The following OGA variants were observed in gnomAD, a reference collection of about 807,000 sequenced individuals.
OGA encodes the protein protein O-GlcNAcase.
Under a neutral mutation model 102.0 loss-of-function variants are expected in OGA, and 21 were observed. The ratio of observed to expected loss-of-function variants is 0.21; its 90% confidence interval spans 0.15 to 0.30. The LOEUF is 0.30. Among genes scored for constraint, OGA ranks in the 10% least tolerant of loss-of-function variants. The probability of loss-of-function intolerance (pLI) is 1.00; values close to 1 mark genes in which losing one functional copy is unlikely to be tolerated. For synonymous variants in OGA, 408 were observed against 378.2 expected (o/e 1.08, Z -0.91); for missense variants, 765 against 1,107.8 (o/e 0.69, Z 4.39).
chr10:101,786,872 A>G lies in OGA; in HGVS notation c.2615-285T>C, dbSNP rs570036851. 1.7e-4 allele frequency among the ~76,000 whole-genome samples: 26 copies of G among 152,284 alleles called. No homozygotes were observed. The South Asian group carries it at 5.4e-3, about 32-fold the overall frequency. On this transcript the variant is annotated intron_variant, in intron 15 of 15. Transcript: ENST00000361464. ...AACCTCCGCCTCCCGGCTTCAAGCA[A>G]GTCTCCTGCCTCAGCCTCCCGAGTA...
intron 10 of OGA, 82 bp from the exon 11 acceptor site, chr10:101,794,080 A>G (rs1219164545): frequency 1.1e-6 from 1 of 918,654 alleles, no homozygotes; most frequent in Non-Finnish European, 1.8e-6. Context: ...ACTGACAAAC[A>G]CTTCGTGGAA....
At chr10:101,790,018 C>T (rs930011250) in intron 14 of OGA, among the ~76,000 whole-genome samples, 5 of 152,060 alleles carry the variant, frequency 3.3e-5, no homozygotes, top group African/African-American at 1.2e-4. Context: ...AAAATAATCA[C>T]GTAATGTGTT....
chr10:101,800,429 A>C (rs2305194), intron 7 of OGA, 29 bp from the exon 8 acceptor site: 308,376 of 1,580,108 alleles, frequency 0.2, 34,354 homozygotes, highest in East Asian at 0.56. Flanking sequence ...AAAAGCACAA[A>C]AATAGTTTTG....
At chr10:101,793,078 C>A in intron 11 of OGA, 135 bp from the exon 12 acceptor site, 1 of 602,972 alleles carries the variant, frequency 1.7e-6, no homozygotes, top group Non-Finnish European at 2.9e-6. Flanking sequence ...GTGTACTATG[C>A]TTTACTAATA....
rs537689585 is a variant in OGA at position 101,804,204 on chromosome 10, A to T, written c.752-185T>A. On this transcript the variant is annotated intron_variant, in intron 6 of 15. Coordinates refer to ENST00000361464, the MANE Select transcript of OGA (RefSeq NM_012215.5). ...TTATTTTAAATTAAAAAATATATTT[A>T]AAAAAAAGAATCATGGTTCTTTAAA... Among the ~76,000 whole-genome samples the T allele has an allele frequency of 2.0e-4, 30 of 151,620 alleles. No individual in the cohort carries two copies. The South Asian group carries it at 5.0e-3, about 25-fold the overall frequency.
chr10:101,799,954 C>A (rs1451234241), intron 8 of OGA, among the ~76,000 whole-genome samples: 2 of 152,166 alleles, frequency 1.3e-5, no homozygotes, highest in African/African-American at 4.8e-5. Context: ...CTCACTGCAA[C>A]CTCTGCCTCC....
At position 101,788,650 on chromosome 10, in the gene OGA, A is replaced by G. The variant is rs144977754; in HGVS notation, c.2455-1127T>C. Among the ~76,000 whole-genome samples, 1,406 of 151,024 alleles carry G rather than the reference A, an allele frequency of 9.3e-3. 19 individuals carry two copies. The highest frequency in any genetic ancestry group is 0.033 in the African/African-American group (1,335 of 40,998). Reference sequence around the variant, plus strand: ...CTCGGGAGGCTGAGGCAGGAGAATCACTTGAACCTGGGAGGCGGAGGTTGC... The same window carrying G: ...CTCGGGAGGCTGAGGCAGGAGAATCGCTTGAACCTGGGAGGCGGAGGTTGC... On this transcript the variant is annotated intron_variant, in intron 14 of 15. Transcript: ENST00000361464.
At chr10:101,805,532 G>A (rs894634860) in intron 6 of OGA, among the ~76,000 whole-genome samples, 2 of 151,592 alleles carry the variant, frequency 1.3e-5, no homozygotes, top group Non-Finnish European at 2.9e-5. Flanking sequence ...GCGTGTGCCT[G>A]TAATCCCAGC....
At chr10:101,791,516 C>A in intron 12 of OGA, 77 bp from the exon 13 acceptor site, 2 of 1,182,922 alleles carry the variant, frequency 1.7e-6, no homozygotes, top group South Asian at 1.2e-5. Context: ...ACAAGTCAGT[C>A]TGGGGAGGGA....
At chr10:101,799,871 A>G (rs372487909) in intron 8 of OGA, among the ~76,000 whole-genome samples, 5 of 152,134 alleles carry the variant, frequency 3.3e-5, no homozygotes, top group African/African-American at 1.2e-4. Flanking sequence ...GGTAAGGCAC[A>G]TGACAGTGTT....
intron 5 of OGA, among the ~76,000 whole-genome samples, chr10:101,806,365 G>A (rs1315106325): frequency 3.9e-5 from 6 of 152,158 alleles, no homozygotes; most frequent in African/African-American, 1.4e-4. Context: ...GCCACGCCCG[G>A]CTAATTTTTT....
chr10:101,800,636 A>T (rs1182857650), intron 7 of OGA, among the ~76,000 whole-genome samples: 4 of 152,226 alleles, frequency 2.6e-5, no homozygotes, highest in Non-Finnish European at 5.9e-5. Context: ...TGAAATAAGA[A>T]ATATAAATTT....
chr10:101,814,653 C>T (rs1300329679), intron 1 of OGA, among the ~76,000 whole-genome samples: 1 of 152,178 alleles, frequency 6.6e-6, no homozygotes, highest in Non-Finnish European at 1.5e-5. Flanking sequence ...AAACCACATT[C>T]CCAAGAAATT....
At chr10:101,794,114 G>T in intron 10 of OGA, 116 bp from the exon 11 acceptor site, 1 of 669,834 alleles carries the variant, frequency 1.5e-6, no homozygotes, top group Non-Finnish European at 2.6e-6. Context: ...AATAATCAGG[G>T]TTTCAGGGCA....
Position 101,786,540 on chromosome 10 carries a change from G to A in OGA, c.2662C>T (p.Leu888=). ...CATCCTAACTTGCTGTAAAATTCCA[G>A]AATTCTTTTATCATCTGGTCTCACT... ...CEVRPDDKRI[L]EFYSKLGCFE... Residue 888 remains leucine, a synonymous_variant, in exon 16 of 16, where the codon CTG becomes TTG. Transcript: ENST00000361464. 6.2e-7 allele frequency: 1 copy of A among 1,611,486 alleles called. No homozygotes were observed. Among genetic ancestry groups the A allele is most frequent in the African/African-American group, 1.3e-5 (1 of 74,978 alleles).
chr10:101,791,498 T>C, intron 12 of OGA, 59 bp from the exon 13 acceptor site: 5 of 1,398,210 alleles, frequency 3.6e-6, no homozygotes, highest in Non-Finnish European at 5.1e-6. Flanking sequence ...AATCTAACAA[T>C]ATAACTCACA....
chr10:101,791,519 G>T, intron 12 of OGA, 80 bp from the exon 13 acceptor site: 1 of 1,133,630 alleles, frequency 8.8e-7, no homozygotes, highest in East Asian at 2.4e-5. Flanking sequence ...AGTCAGTCTG[G>T]GGAGGGAGTA....
chr10:101,812,960 AC>A, intron 3 of OGA, 69 bp downstream of exon 3: 1 of 1,172,614 alleles, frequency 8.5e-7, no homozygotes, highest in Non-Finnish European at 1.3e-6. Context: ...AAATTCTTGT[AC>A]AACTACATTT....
intron 1 of OGA, among the ~76,000 whole-genome samples, chr10:101,816,038 G>A (rs1308039775): frequency 7.2e-6 from 1 of 139,362 alleles, no homozygotes; most frequent in Non-Finnish European, 1.5e-5. Context: ...TTGGAAGACC[G>A]AGGCGGGCGG....
Sources: allele counts gnomAD v4.1 joint callset (sites outside exome capture counted in the v4.1 genomes callset), GRCh38; gene constraint gnomAD v4.1.1; transcripts MANE v1.5; gene names NCBI Gene and HGNC (gene_info 2026-07-23, HGNC 2026-07-21).